NKAIN2: variants seen among roughly 807,000 people sequenced by gnomAD.
NKAIN2 encodes sodium/potassium-transporting ATPase subunit beta-1-interacting protein 2.
A neutral mutation model predicts 32.6 loss-of-function variants in NKAIN2; 14 were observed. The ratio of observed to expected loss-of-function variants is 0.43; its 90% CI spans 0.28 to 0.67. The LOEUF is 0.67. Among genes scored for constraint, NKAIN2 ranks in the 30% least tolerant of loss-of-function variants. The probability of loss-of-function intolerance (pLI) is 0.17; values close to 1 mark genes in which losing one functional copy is unlikely to be tolerated. For missense variants in NKAIN2, 198 were observed against 258.3 expected, an observed-to-expected ratio of 0.77 and a Z score of 1.60; for synonymous variants, 80 against 87.2, an observed-to-expected ratio of 0.92 and a Z score of 0.46.
At chr6:123,965,281 A>T (rs932292679) in intron 1 of NKAIN2, among the ~76,000 whole-genome samples, 2 of 152,218 alleles carry the variant, frequency 1.3e-5, no homozygotes, top group African/African-American at 4.8e-5. Context: ...TTATTAAAAA[A>T]TAGAGACAAT....
chr6:124,708,269 G>A (rs1775212417), intron 4 of NKAIN2, among the ~76,000 whole-genome samples: 2 of 150,818 alleles, frequency 1.3e-5, no homozygotes, highest in Non-Finnish European at 3.0e-5. Context: ...TTGAAGTCAG[G>A]TAGTGTGATG....
At chr6:124,439,352 C>T (rs1562185642) in intron 3 of NKAIN2, among the ~76,000 whole-genome samples, 3 of 135,580 alleles carry the variant, frequency 2.2e-5, no homozygotes. Flanking sequence ...AATCTATCCA[C>T]TTGTTGTTTT....
chr6:124,257,934 A>G (rs1043914267), intron 1 of NKAIN2, among the ~76,000 whole-genome samples: 17 of 151,480 alleles, frequency 1.1e-4, no homozygotes, highest in African/African-American at 3.4e-4. Context: ...ACCCGCCACC[A>G]GCCCCCGGGT....
At chr6:123,979,335 T>C (rs559125046) in intron 1 of NKAIN2, among the ~76,000 whole-genome samples, 6 of 152,324 alleles carry the variant, frequency 3.9e-5, no homozygotes, top group Admixed American at 2.6e-4. Context: ...CTCCTTCTCA[T>C]AGGGCAGTGG....
intron 1 of NKAIN2, among the ~76,000 whole-genome samples, chr6:123,867,017 C>T (rs1219446393): frequency 1.3e-5 from 2 of 152,180 alleles, no homozygotes; most frequent in African/African-American, 4.8e-5. Context: ...AATGACTTCT[C>T]ATTCCTAAAC....
chr6:124,541,547 A>G (rs1049490012), intron 3 of NKAIN2, among the ~76,000 whole-genome samples: 1 of 152,198 alleles, frequency 6.6e-6, no homozygotes, highest in African/African-American at 2.4e-5. Flanking sequence ...GAGGAAAAGT[A>G]TGTGCTTTCC....
intron 3 of NKAIN2, among the ~76,000 whole-genome samples, chr6:124,530,519 A>G (rs1388278672): frequency 6.6e-6 from 1 of 152,118 alleles, no homozygotes; most frequent in African/African-American, 2.4e-5. Context: ...TACTGAAAAA[A>G]GTCTGCACAT....
intron 3 of NKAIN2, among the ~76,000 whole-genome samples, chr6:124,394,084 G>C (rs1773257105): frequency 6.6e-6 from 1 of 152,036 alleles, no homozygotes; most frequent in African/African-American, 2.4e-5. Flanking sequence ...TCTGTTCTGG[G>C]TATAATACTT....
chr6:123,810,639 A>G (rs932690574), intron 1 of NKAIN2, among the ~76,000 whole-genome samples: 2 of 151,066 alleles, frequency 1.3e-5, no homozygotes, highest in African/African-American at 2.5e-5. Flanking sequence ...GAAAGAAAAA[A>G]TATATTCTTT....
intron 1 of NKAIN2, among the ~76,000 whole-genome samples, chr6:123,968,749 G>T (rs1437922901): frequency 6.6e-6 from 1 of 152,206 alleles, no homozygotes; most frequent in Admixed American, 6.5e-5. Flanking sequence ...TCTCTGGAAT[G>T]CCCCTGTTAG....
intron 1 of NKAIN2, among the ~76,000 whole-genome samples, chr6:124,109,132 A>T (rs957176958): frequency 1.3e-5 from 2 of 152,014 alleles, no homozygotes; most frequent in Non-Finnish European, 2.9e-5. Flanking sequence ...TTGATTCTGC[A>T]TATTGATTTG....
At chr6:124,446,659 A>T (rs941395766) in intron 3 of NKAIN2, among the ~76,000 whole-genome samples, 1 of 152,136 alleles carries the variant, frequency 6.6e-6, no homozygotes, top group African/African-American at 2.4e-5. Flanking sequence ...TACAAGTTAT[A>T]TAAAATTATA....
intron 3 of NKAIN2, among the ~76,000 whole-genome samples, chr6:124,624,413 A>G (rs1361318512): frequency 6.6e-6 from 1 of 152,090 alleles, no homozygotes; most frequent in East Asian, 1.9e-4. Context: ...AACTTCTGAG[A>G]CCCTTTGTGG....
At chr6:124,321,312 G>A (rs9491122) in intron 2 of NKAIN2, among the ~76,000 whole-genome samples, 5,694 of 152,020 alleles carry the variant, frequency 0.037, 313 homozygotes, top group African/African-American at 0.13. Context: ...ACACACTGGG[G>A]CCTGTCATGG....
At chr6:124,401,151 A>G (rs971113442) in intron 3 of NKAIN2, among the ~76,000 whole-genome samples, 1 of 152,124 alleles carries the variant, frequency 6.6e-6, no homozygotes, top group Admixed American at 6.6e-5. Flanking sequence ...ATTTATTATT[A>G]CCAAAAAGAG....
At chr6:123,944,075 A>G (rs1316102816) in intron 1 of NKAIN2, among the ~76,000 whole-genome samples, 2 of 152,020 alleles carry the variant, frequency 1.3e-5, no homozygotes, top group Non-Finnish European at 2.9e-5. Context: ...TGGTTTCTTT[A>G]AAAGATTGCT....
At chr6:124,736,750 G>T (rs1032040179) in intron 4 of NKAIN2, among the ~76,000 whole-genome samples, 7 of 151,820 alleles carry the variant, frequency 4.6e-5, no homozygotes, top group Non-Finnish European at 8.8e-5. Context: ...CAGAAAAAAG[G>T]ATTCCTTTCA....
At chr6:123,968,483 A>T (rs1778193719) in intron 1 of NKAIN2, among the ~76,000 whole-genome samples, 1 of 152,204 alleles carries the variant, frequency 6.6e-6, no homozygotes, top group Non-Finnish European at 1.5e-5. Context: ...TTAAATATAT[A>T]CATTTAATGT....
At chr6:123,835,570 A>G (rs1774582429) in intron 1 of NKAIN2, among the ~76,000 whole-genome samples, 1 of 152,080 alleles carries the variant, frequency 6.6e-6, no homozygotes, top group African/African-American at 2.4e-5. Flanking sequence ...TTACTCTTCA[A>G]TTTTGGAAGA....
Sources: allele counts gnomAD v4.1 joint callset (sites outside exome capture counted in the v4.1 genomes callset), GRCh38; gene constraint gnomAD v4.1.1; transcripts MANE v1.5; gene names NCBI Gene and HGNC (gene_info 2026-07-23, HGNC 2026-07-21).